Variants in WDR35 observed in about 807,000 individuals in gnomAD.
WDR35 encodes WD repeat domain 35.
A neutral mutation model predicts 158.3 loss-of-function variants in WDR35; 118 were observed. The ratio of observed to expected loss-of-function variants is 0.75; its 90% CI spans 0.64 to 0.87. The LOEUF is 0.87. Ranked by LOEUF, WDR35 falls within the 40% of genes least tolerant of loss-of-function variation. The pLI is 0.00. For synonymous variants in WDR35, 448 were observed against 476.1 expected (o/e 0.94, Z 0.77); for missense variants, 1,263 against 1,405.8 (o/e 0.90, Z 1.62).
At chr2:19,929,437 G>A (rs1406445158) in intron 25 of WDR35, among the ~76,000 whole-genome samples, 3 of 152,298 alleles carry the variant, frequency 2.0e-5, no homozygotes, top group Non-Finnish European at 4.4e-5. Context: ...TATGACAGAG[G>A]AAGGGTGGGG....
chr2:19,937,102 G>A (rs1032115272), intron 19 of WDR35, among the ~76,000 whole-genome samples: 1 of 152,106 alleles, frequency 6.6e-6, no homozygotes, highest in African/African-American at 2.4e-5. Context: ...GAGATCTCCT[G>A]GGAGTATAAA....
At chr2:19,940,206 A>C (rs1308609909) in intron 17 of WDR35, among the ~76,000 whole-genome samples, 1 of 150,980 alleles carries the variant, frequency 6.6e-6, no homozygotes, top group African/African-American at 2.4e-5. Flanking sequence ...AAAAAAAAAA[A>C]AACACAAAAA....
chr2:19,928,667 A>G (rs1269741556), intron 25 of WDR35, among the ~76,000 whole-genome samples: 2 of 152,240 alleles, frequency 1.3e-5, no homozygotes, highest in Non-Finnish European at 2.9e-5. Context: ...AGACTGACAG[A>G]CATGACTATA....
intron 4 of WDR35, among the ~76,000 whole-genome samples, chr2:19,979,410 C>T (rs1672313791): frequency 6.6e-6 from 1 of 152,114 alleles, no homozygotes; most frequent in African/African-American, 2.4e-5. Context: ...AGGTAAAACC[C>T]TAAGCCTGCT....
At chr2:19,930,034 T>G (rs1450872725) in intron 25 of WDR35, among the ~76,000 whole-genome samples, 2 of 150,192 alleles carry the variant, frequency 1.3e-5, no homozygotes, top group African/African-American at 4.9e-5. Flanking sequence ...ATGTATGTAT[T>G]AAATATATTT....
chr2:19,940,820 T>C (rs1010509779), intron 17 of WDR35, among the ~76,000 whole-genome samples: 27 of 152,314 alleles, frequency 1.8e-4, no homozygotes, highest in Admixed American at 1.5e-3. Flanking sequence ...CCCTGTGCTG[T>C]CCAGCCATTT....
At chr2:19,939,878 T>TTATTTA (rs1458881488) in intron 17 of WDR35, among the ~76,000 whole-genome samples, 2 of 152,154 alleles carry the variant, frequency 1.3e-5, no homozygotes, top group East Asian at 3.9e-4. Flanking sequence ...GCTCACTCTT[T>TTATTTA]ATCAAACCAT....
At chr2:19,987,923 T>A (rs1368535284) in intron 2 of WDR35, among the ~76,000 whole-genome samples, 2 of 151,218 alleles carry the variant, frequency 1.3e-5, no homozygotes, top group African/African-American at 4.9e-5. Context: ...TATATATCTA[T>A]ATACACATTT....
At position 19,946,334 on chromosome 2, in the gene WDR35, C is replaced by G. The variant is rs1572337596; in HGVS notation, c.1634+127G>C. ...AACCAAATGCAGTATAAAATAAAAC[C>G]ATACTGAATTTTAAGACAAGTTCAT... On this transcript the variant is annotated intron_variant, in intron 15 of 26. Coordinates refer to ENST00000281405, the MANE Select transcript of WDR35 (RefSeq NM_020779.4). 3 of 849,884 alleles carry G rather than the reference C, an allele frequency of 3.5e-6. No individual in the cohort carries two copies. In the East Asian group the frequency reaches 7.9e-5, roughly 22 times the overall value. The allele number at this position is 849,884 out of a possible 1,614,324, so 52.6% of individuals were successfully genotyped here.
At chr2:19,950,246 T>C (rs1388842710) in intron 13 of WDR35, among the ~76,000 whole-genome samples, 1 of 152,064 alleles carries the variant, frequency 6.6e-6, no homozygotes, top group Non-Finnish European at 1.5e-5. Flanking sequence ...TGTAGTTTCA[T>C]GAAAGCCAAG....
rs779454982 is a variant in WDR35, at chr2:19,938,271, C to T, written c.2057G>A (p.Arg686Gln). The T allele has an allele frequency of 5.0e-6, 8 of 1,613,918 alleles. No individual in the cohort carries two copies. The highest frequency in any genetic ancestry group is 3.3e-5 in the Admixed American group (2 of 59,960). ...GTTTGCTTTTTTTAAATACCAAAGTCGGGGGTGTGGATTGTCCTCTATGAA... is the reference window on the plus strand; with the variant it reads ...GTTTGCTTTTTTTAAATACCAAAGTTGGGGGTGTGGATTGTCCTCTATGAA... ...SQFIEDNPHP[R>Q]LWRLLAEAAL... Residue 686 changes from arginine to glutamine, a missense_variant, in exon 18 of 27, where the codon CGA becomes CAA. Coordinates refer to ENST00000281405, the MANE Select transcript of WDR35 (RefSeq NM_020779.4).
chr2:19,983,273 A>G (rs1189597176), intron 2 of WDR35, among the ~76,000 whole-genome samples: 1 of 152,214 alleles, frequency 6.6e-6, no homozygotes, highest in Non-Finnish European at 1.5e-5. Context: ...GCTAGGACAC[A>G]GCAACATAAA....
At chr2:19,986,371 GA>G (rs374397907) in intron 2 of WDR35, among the ~76,000 whole-genome samples, 1 of 152,192 alleles carries the variant, frequency 6.6e-6, no homozygotes, top group African/African-American at 2.4e-5. Context: ...GCATGAGAAT[GA>G]AAGAATAAAT....
intron 8 of WDR35, among the ~76,000 whole-genome samples, chr2:19,969,896 C>T (rs1021939578): frequency 4.0e-5 from 6 of 151,888 alleles, no homozygotes; most frequent in Non-Finnish European, 5.9e-5. Context: ...TACAGGCGCC[C>T]GCCACCACGC....
intron 4 of WDR35, among the ~76,000 whole-genome samples, chr2:19,979,091 T>C (rs1043456622): frequency 2.6e-5 from 4 of 152,222 alleles, no homozygotes; most frequent in Non-Finnish European, 4.4e-5. Context: ...TCAAAGATTA[T>C]CACAGAAAAC....
At position 19,937,918 on chromosome 2, in the gene WDR35, T is replaced by C. The variant is rs1670753423; in HGVS notation, c.2092A>G (p.Lys698Glu). The C allele has an allele frequency of 6.2e-7, 1 of 1,614,046 alleles. No homozygotes were observed. The highest frequency in any genetic ancestry group is 1.3e-5 in the African/African-American group (1 of 74,936). The stretch of plus-strand genomic sequence containing the variant: ...TGCTCTGCAGTGTATAGATCCAGTT[T>C]CTGAAGAGCTGCTTCAGCCAGTAGG... ...WRLLAEAALQ[K>E]LDLYTAEQAF... The change falls in exon 19 of 27, where the codon AAA (lysine) becomes GAA (glutamate). Residue 698 changes from lysine (K) to glutamate (E), a missense_variant. By Grantham distance (56) the Lys-to-Glu change is moderately conservative. Coordinates refer to ENST00000281405, the MANE Select transcript of WDR35 (RefSeq NM_020779.4).
intron 2 of WDR35, 88 bp downstream of exon 2, chr2:19,989,077 G>T: frequency 8.9e-7 from 1 of 1,123,010 alleles, no homozygotes; most frequent in Non-Finnish European, 1.4e-6. Context: ...AATCAGAACT[G>T]CATATTGACA....
rs1558333034 is a variant in WDR35 at position 19,938,341 on chromosome 2, T to TATCTCGCAGAGACCGA, written c.1971_1986dup (p.Arg664ValfsTer5). On this transcript the variant is annotated frameshift_variant, in exon 18 of 27. Transcript: ENST00000281405. LOFTEE classifies it high-confidence loss of function. ...CCAACCTTCTCAATCAGTGCTCGGC[T>TATCTCGCAGAGACCGA]ATCTCGCAGAGACCGAATCTCAAAG... The TATCTCGCAGAGACCGA allele has an allele frequency of 6.2e-7, 1 of 1,614,104 alleles. No homozygotes were observed. Among genetic ancestry groups the TATCTCGCAGAGACCGA allele is most frequent in the South Asian group, 1.1e-5 (1 of 91,082 alleles).
intron 2 of WDR35, among the ~76,000 whole-genome samples, chr2:19,983,312 G>C (rs926550725): frequency 6.6e-6 from 1 of 152,158 alleles, no homozygotes; most frequent in African/African-American, 2.4e-5. Flanking sequence ...TAGAGCCCTT[G>C]ACAAACTCTA....
Sources: allele counts gnomAD v4.1 joint callset (sites outside exome capture counted in the v4.1 genomes callset), GRCh38; gene constraint gnomAD v4.1.1; transcripts MANE v1.5; gene names NCBI Gene and HGNC (gene_info 2026-07-23, HGNC 2026-07-21).